VSTM2B: variants seen among roughly 807,000 people sequenced by gnomAD.
VSTM2B encodes V-set and transmembrane domain-containing protein 2B.
VSTM2B carries 24 observed loss-of-function variants against 24.0 expected under a neutral mutation model. The observed-to-expected ratio is 1.00, with a 90% CI of 0.72 to 1.40. The LOEUF (loss-of-function observed/expected upper bound fraction) is 1.40, where lower values mean the gene tolerates loss of function less well. Among genes scored for constraint, VSTM2B ranks in the 40% most tolerant of loss-of-function variants. The pLI is 0.00. For missense variants in VSTM2B, 399 were observed against 416.4 expected (o/e 0.96, Z 0.36); for synonymous variants, 226 against 194.4 (o/e 1.16, Z -1.35).
At chr19:29,553,882 T>A (rs142389340) in intron 4 of VSTM2B, among the ~76,000 whole-genome samples, 2 of 151,950 alleles carry the variant, frequency 1.3e-5, no homozygotes, top group African/African-American at 2.4e-5. Flanking sequence ...GAAAAAAGAA[T>A]GAAAAGGAAT....
At chr19:29,561,453 G>A (rs1236269372) in intron 4 of VSTM2B, among the ~76,000 whole-genome samples, 2 of 151,792 alleles carry the variant, frequency 1.3e-5, no homozygotes, top group African/African-American at 4.8e-5. Context: ...GTGAAACCCC[G>A]TGTCTACTAA....
chr19:29,549,098 A>G (rs376953254), intron 4 of VSTM2B, among the ~76,000 whole-genome samples: 21 of 152,202 alleles, frequency 1.4e-4, no homozygotes, highest in African/African-American at 4.8e-4. Context: ...GAAATACCTG[A>G]ATCTCTGCTT....
rs561886628 is a variant in VSTM2B at position 29,535,387 on chromosome 19, C to T, written c.769+5097C>T. Among the ~76,000 whole-genome samples the T allele has an allele frequency of 5.9e-5, 9 of 152,248 alleles. No individual in the cohort carries two copies. In the South Asian group the frequency reaches 1.9e-3, roughly 32 times the overall value. On this transcript the variant is annotated intron_variant, in intron 4 of 4. Transcript: ENST00000335523. Reference sequence around the variant, plus strand: ...GGCCAGAGGTTCCCCTCTGCAGGGACGTTGGGATCAGAGCAGTGGCGTGTG... The same window carrying T: ...GGCCAGAGGTTCCCCTCTGCAGGGATGTTGGGATCAGAGCAGTGGCGTGTG...
intron 4 of VSTM2B, among the ~76,000 whole-genome samples, chr19:29,548,541 G>T (rs927109690): frequency 6.6e-6 from 1 of 152,178 alleles, no homozygotes. Context: ...CCATGAAGAG[G>T]CTTTTAATAA....
At chr19:29,530,410 A>T (rs557709971) in intron 4 of VSTM2B, 120 bp downstream of exon 4, 27 of 860,576 alleles carry the variant, frequency 3.1e-5, no homozygotes, top group Middle Eastern at 3.6e-4. Context: ...GCATATGCAT[A>T]CTCCTTCCTA....
chr19:29,543,591 C>T (rs1180251409), intron 4 of VSTM2B, among the ~76,000 whole-genome samples: 3 of 152,238 alleles, frequency 2.0e-5, no homozygotes. Context: ...AGGCCCATTT[C>T]CACTGTGCAG....
chr19:29,553,803 C>A (rs1024390250), intron 4 of VSTM2B, among the ~76,000 whole-genome samples: 5 of 152,006 alleles, frequency 3.3e-5, no homozygotes, highest in Admixed American at 2.0e-4. Context: ...CCGAATTGAC[C>A]AAGTGGGGGA....
At chr19:29,545,895 C>T (rs1970143293) in intron 4 of VSTM2B, among the ~76,000 whole-genome samples, 1 of 152,088 alleles carries the variant, frequency 6.6e-6, no homozygotes, top group Non-Finnish European at 1.5e-5. Flanking sequence ...AAAAGAAAAA[C>T]GGCACTCTGG....
At chr19:29,549,442 A>T (rs1970221198) in intron 4 of VSTM2B, among the ~76,000 whole-genome samples, 1 of 72,170 alleles carries the variant, frequency 1.4e-5, no homozygotes, top group Non-Finnish European at 2.9e-5. Context: ...TGCTGCCTCA[A>T]CATTGCCCCA....
Position 29,526,267 on chromosome 19 carries a change from G to T in VSTM2B, c.-317G>T, listed in dbSNP as rs1374050187. ...CGGCCCAGCCCCTGCCCGGCCCGCCGGGCAGAGACTGAACCGCGGATCCCC... is the reference window on the plus strand; with the variant it reads ...CGGCCCAGCCCCTGCCCGGCCCGCCTGGCAGAGACTGAACCGCGGATCCCC... On this transcript the variant is annotated 5_prime_UTR_variant, in exon 1 of 5. Coordinates refer to ENST00000335523, the MANE Select transcript of VSTM2B (RefSeq NM_001146339.2). This position sits in a 1 kb window ranked among gnomAD's most constrained non-coding sequence, Gnocchi z 4.1. Among the ~76,000 whole-genome samples the T allele has an allele frequency of 2.0e-5, 3 of 151,862 alleles. No individual in the cohort carries two copies. The highest frequency in any genetic ancestry group is 7.3e-5 in the African/African-American group (3 of 41,378).
At chr19:29,533,080 G>A (rs886984717) in intron 4 of VSTM2B, among the ~76,000 whole-genome samples, 1 of 152,206 alleles carries the variant, frequency 6.6e-6, no homozygotes, top group Non-Finnish European at 1.5e-5. Flanking sequence ...AGAGAGTGAA[G>A]ATGCTCCAGG....
At chr19:29,527,820 G>A (rs1969624396) in intron 2 of VSTM2B, among the ~76,000 whole-genome samples, 2 of 152,128 alleles carry the variant, frequency 1.3e-5, no homozygotes. Flanking sequence ...CCGAGTACCG[G>A]AAAGCCGGCA....
At chr19:29,537,415 G>A (rs1423285180) in intron 4 of VSTM2B, among the ~76,000 whole-genome samples, 1 of 152,118 alleles carries the variant, frequency 6.6e-6, no homozygotes, top group East Asian at 1.9e-4. Flanking sequence ...CAAAGTATGA[G>A]CATAGCCCAG....
chr19:29,538,255 G>A (rs1490496100), intron 4 of VSTM2B, among the ~76,000 whole-genome samples: 1 of 152,146 alleles, frequency 6.6e-6, no homozygotes, highest in Non-Finnish European at 1.5e-5. Flanking sequence ...CTCTGTACGA[G>A]TTCCGTCATC....
intron 4 of VSTM2B, among the ~76,000 whole-genome samples, chr19:29,555,701 GA>G (rs1970390122): frequency 6.6e-6 from 1 of 151,502 alleles, no homozygotes; most frequent in African/African-American, 2.4e-5. Flanking sequence ...GAATGAAATA[GA>G]AAATAAAAAA....
intron 4 of VSTM2B, among the ~76,000 whole-genome samples, chr19:29,540,949 T>C (rs1422233753): frequency 6.6e-6 from 1 of 150,856 alleles, no homozygotes; most frequent in Admixed American, 6.6e-5. Flanking sequence ...CAGTTAAGAG[T>C]TGGCCAGGTA....
intron 4 of VSTM2B, among the ~76,000 whole-genome samples, chr19:29,547,645 C>T (rs796843926): frequency 1.3e-5 from 2 of 152,224 alleles, no homozygotes; most frequent in African/African-American, 4.8e-5. Context: ...AGAGGTAGGA[C>T]ATGTGAGGAA....
chr19:29,541,808 AG>A (rs1213968436), intron 4 of VSTM2B, among the ~76,000 whole-genome samples: 2 of 150,214 alleles, frequency 1.3e-5, no homozygotes, highest in African/African-American at 4.9e-5. Context: ...TGGGTGAATG[AG>A]TGGGAGAATG....
At chr19:29,552,597 G>T (rs1232396137) in intron 4 of VSTM2B, among the ~76,000 whole-genome samples, 2 of 152,226 alleles carry the variant, frequency 1.3e-5, no homozygotes, top group Non-Finnish European at 2.9e-5. Context: ...ATGAGCCCGT[G>T]CCACCAGGGC....
Sources: allele counts gnomAD v4.1 joint callset (sites outside exome capture counted in the v4.1 genomes callset), GRCh38; gene constraint gnomAD v4.1.1; non-coding constraint Gnocchi (gnomAD v3.1); transcripts MANE v1.5; gene names NCBI Gene and HGNC (gene_info 2026-07-23, HGNC 2026-07-21).